Variants in ARHGAP28 observed in about 807,000 individuals in gnomAD.
ARHGAP28 encodes the protein rho GTPase-activating protein 28.
Under a neutral mutation model 90.7 loss-of-function variants are expected in ARHGAP28, and 56 were observed. That is an observed-to-expected ratio of 0.62 (90% CI 0.50 to 0.77). The LOEUF (loss-of-function observed/expected upper bound fraction) is 0.77. Ranked by LOEUF, ARHGAP28 falls within the 30% of genes least tolerant of loss-of-function variation. The probability of loss-of-function intolerance (pLI) is 0.00; values close to 1 mark genes in which losing one functional copy is unlikely to be tolerated. For synonymous variants in ARHGAP28, 308 were observed against 323.3 expected, an observed-to-expected ratio of 0.95 and a Z score of 0.51; for missense variants, 869 against 900.9, an observed-to-expected ratio of 0.96 and a Z score of 0.45.
chr18:6,875,430 C>T (rs966445412), intron 9 of ARHGAP28, among the ~76,000 whole-genome samples: 17 of 152,242 alleles, frequency 1.1e-4, no homozygotes, highest in Middle Eastern at 3.4e-3. Flanking sequence ...AGCTGGATCC[C>T]CTTCTTACTG....
intron 1 of ARHGAP28, among the ~76,000 whole-genome samples, chr18:6,809,488 G>A (rs1386497331): frequency 1.3e-5 from 2 of 152,144 alleles, no homozygotes; most frequent in South Asian, 2.1e-4. Context: ...GGTTCTGTGG[G>A]TTGTACAGGC....
At chr18:6,907,577 G>T (rs2057371030) in intron 16 of ARHGAP28, among the ~76,000 whole-genome samples, 2 of 152,154 alleles carry the variant, frequency 1.3e-5, no homozygotes, top group Admixed American at 1.3e-4. Flanking sequence ...GTTTCCATTT[G>T]TTTAACCTTT....
At chr18:6,873,243 T>A (rs904450762) in intron 7 of ARHGAP28, among the ~76,000 whole-genome samples, 166 bp from the exon 8 acceptor site, 2 of 152,262 alleles carry the variant, frequency 1.3e-5, no homozygotes, top group African/African-American at 4.8e-5. Context: ...CTGCACATTG[T>A]TCTAAACCAC....
At chr18:6,862,334 A>G (rs1350023091) in intron 5 of ARHGAP28, among the ~76,000 whole-genome samples, 1 of 152,152 alleles carries the variant, frequency 6.6e-6, no homozygotes, top group Non-Finnish European at 1.5e-5. Context: ...GCCAGGCTAA[A>G]TTCCCGGGGC....
chr18:6,855,775 A>G (rs907899447), intron 4 of ARHGAP28, among the ~76,000 whole-genome samples: 2 of 152,104 alleles, frequency 1.3e-5, no homozygotes, highest in Non-Finnish European at 2.9e-5. Context: ...CCAGGCTTCT[A>G]GGCACCACCG....
At chr18:6,774,979 A>G (rs2056272357) in intron 1 of ARHGAP28, among the ~76,000 whole-genome samples, 1 of 152,166 alleles carries the variant, frequency 6.6e-6, no homozygotes, top group East Asian at 1.9e-4. Flanking sequence ...TGTAGTCTCA[A>G]AGCCAAGGAC....
In ARHGAP28 at chr18:6,882,192, A is replaced by C. The variant is rs770866566; in HGVS notation, c.1346A>C (p.Lys449Thr). 5.6e-6 allele frequency: 9 copies of C among 1,614,122 alleles called. No homozygotes were observed. Among genetic ancestry groups the C allele is most frequent in the Middle Eastern group, 1.6e-4 (1 of 6,062 alleles). ...AATGCTGATAAATTTAAATGGGACA[A>C]AATGTGCCATAGAGAAGCTGCAGTA... is the stretch of plus-strand genomic sequence containing the variant. Reference protein sequence around the residue: ...KFNADKFKWDKMCHREAAVML... With the variant: ...KFNADKFKWDTMCHREAAVML... The change falls in exon 11 of 18, where the codon AAA becomes ACA. Residue 449 changes from lysine (K) to threonine (T), a missense_variant. Lys to Thr is a moderately conservative substitution (Grantham distance 78). Coordinates refer to ENST00000383472, the MANE Select transcript of ARHGAP28 (RefSeq NM_001366230.1).
At chr18:6,788,896 G>T (rs1364291317) in intron 1 of ARHGAP28, 1 of 152,172 alleles carries the variant, frequency 6.6e-6, no homozygotes, top group African/African-American at 2.4e-5. Context: ...TATATCAAGA[G>T]ATAAGTGTGA....
chr18:6,803,490 T>C (rs1305944875), intron 1 of ARHGAP28, among the ~76,000 whole-genome samples: 1 of 152,134 alleles, frequency 6.6e-6, no homozygotes, highest in Non-Finnish European at 1.5e-5. Context: ...GCTAAAATTT[T>C]GTTAATAATA....
intron 16 of ARHGAP28, among the ~76,000 whole-genome samples, chr18:6,906,936 A>T (rs1016927401): frequency 1.1e-4 from 16 of 152,228 alleles, no homozygotes; most frequent in African/African-American, 3.1e-4. Context: ...TCAACAGTTA[A>T]AAAAACCAAA....
rs770732976 is a variant in ARHGAP28, at chr18:6,890,122, T to C, written c.1734+37T>C. ...AGTGATGACAGGTCCCCCTCAGAAG[T>C]CCATGTCCCCAGGAAACATAAAGCC... On this transcript the variant is annotated intron_variant, in intron 13 of 17. Coordinates refer to ENST00000383472, the MANE Select transcript of ARHGAP28 (RefSeq NM_001366230.1). The C allele has an allele frequency of 1.2e-5, 20 of 1,608,032 alleles. No individual in the cohort carries two copies. The South Asian group carries it at 2.2e-4, about 18-fold the overall frequency.
Position 6,868,368 on chromosome 18 carries a change from C to T in ARHGAP28, c.811+134C>T, listed in dbSNP as rs143388820. On this transcript the variant is annotated intron_variant, in intron 6 of 17. Transcript: ENST00000383472. ...CTCCCTGTTGTGATTCTGTCACTTC[C>T]ATCGCTCACTCCTTCCACCCAACTC... 156 of 716,576 alleles carry T rather than the reference C, an allele frequency of 2.2e-4. 1 individual carries two copies. In the African/African-American group the frequency reaches 2.6e-3, roughly 12 times the overall value. The allele number at this position is 716,576 out of a possible 1,614,324, so 44.4% of individuals were successfully genotyped here. A position where few individuals can be genotyped will look rare whatever the true frequency, so the allele number is the denominator to read the frequency against.
intron 11 of ARHGAP28, among the ~76,000 whole-genome samples, chr18:6,884,702 G>T (rs1009880846): frequency 6.6e-6 from 1 of 152,110 alleles, no homozygotes; most frequent in African/African-American, 2.4e-5. Context: ...CCCCACACAC[G>T]CATGGTTTGT....
intron 5 of ARHGAP28, 36 bp from the exon 6 acceptor site, chr18:6,868,114 T>C: frequency 6.5e-7 from 1 of 1,543,962 alleles, no homozygotes; most frequent in South Asian, 1.1e-5. Context: ...GTATTTATGG[T>C]AAAATGTTTT....
intron 1 of ARHGAP28, among the ~76,000 whole-genome samples, chr18:6,785,067 T>C (rs567367108): frequency 6.6e-6 from 1 of 152,276 alleles, no homozygotes; most frequent in East Asian, 1.9e-4. Context: ...CCTCATAAGC[T>C]GTCTTTGGAA....
intron 1 of ARHGAP28, among the ~76,000 whole-genome samples, chr18:6,737,201 T>C (rs374995904): frequency 4.3e-4 from 66 of 152,348 alleles, no homozygotes; most frequent in African/African-American, 1.6e-3. Context: ...GCTTTGTTTT[T>C]AAGCCTCTTT....
At chr18:6,792,717 C>T (rs534908113) in intron 1 of ARHGAP28, among the ~76,000 whole-genome samples, 5 of 152,324 alleles carry the variant, frequency 3.3e-5, no homozygotes, top group Admixed American at 6.5e-5. Context: ...GCGCAGTAAT[C>T]GTGACCTCTG....
chr18:6,845,352 A>G (rs1220372203), intron 3 of ARHGAP28, among the ~76,000 whole-genome samples: 2 of 152,200 alleles, frequency 1.3e-5, no homozygotes, highest in Non-Finnish European at 2.9e-5. Flanking sequence ...ATGAGCCACC[A>G]TGCCCAGATC....
Position 6,783,820 on chromosome 18 carries a change from G to A in ARHGAP28, c.123-40942G>A, listed in dbSNP as rs576737388. On this transcript the variant is annotated intron_variant, in intron 1 of 17. Transcript: ENST00000383472. ...TGTTTATTCCCCTTTCCCATCCCTAGGAAAACTGCGTTCCTCTATTCTGTA... is the reference window on the plus strand; with the variant it reads ...TGTTTATTCCCCTTTCCCATCCCTAAGAAAACTGCGTTCCTCTATTCTGTA... 1.6e-4 allele frequency among the ~76,000 whole-genome samples: 25 copies of A among 152,110 alleles called. 1 individual carries two copies. The highest frequency in any genetic ancestry group is 7.2e-4 in the Admixed American group (11 of 15,286).
Sources: allele counts gnomAD v4.1 joint callset (sites outside exome capture counted in the v4.1 genomes callset), GRCh38; gene constraint gnomAD v4.1.1; transcripts MANE v1.5; gene names NCBI Gene and HGNC (gene_info 2026-07-23, HGNC 2026-07-21).